CCSER2: variants seen among roughly 807,000 people sequenced by gnomAD.
CCSER2 encodes coiled-coil serine rich protein 2, also known as serine-rich coiled-coil domain-containing protein 2.
CCSER2 carries 46 observed loss-of-function variants against 92.3 expected under a neutral mutation model. That is an observed-to-expected ratio of 0.50 (90% CI 0.39 to 0.64). CCSER2 has a LOEUF of 0.64. Ranked by LOEUF, CCSER2 falls within the 30% of genes least tolerant of loss-of-function variation. The pLI is 0.00. For missense variants in CCSER2, 1,244 were observed against 1,238.9 expected (o/e 1.00, Z -0.06); for synonymous variants, 433 against 431.4 (o/e 1.00, Z -0.04).
chr10:84,511,210 A>G (rs1849331434), intron 9 of CCSER2, among the ~76,000 whole-genome samples: 1 of 152,146 alleles, frequency 6.6e-6, no homozygotes, highest in Admixed American at 6.6e-5. Context: ...ATTCATTAAT[A>G]TTTGATATGA....
chr10:84,431,180 T>C (rs761519718), intron 5 of CCSER2, among the ~76,000 whole-genome samples: 23 of 152,192 alleles, frequency 1.5e-4, no homozygotes, highest in Non-Finnish European at 1.3e-4. Context: ...CCTATGGGCC[T>C]TGACAAATGT....
intron 9 of CCSER2, among the ~76,000 whole-genome samples, chr10:84,488,140 G>A (rs1453119677): frequency 6.6e-6 from 1 of 152,174 alleles, no homozygotes; most frequent in African/African-American, 2.4e-5. Flanking sequence ...TATTTGGTTT[G>A]CCAGTGTTTT....
intron 9 of CCSER2, among the ~76,000 whole-genome samples, chr10:84,492,880 C>T (rs189606886): frequency 6.6e-6 from 1 of 152,136 alleles, no homozygotes; most frequent in East Asian, 1.9e-4. Context: ...AAGATTTTTA[C>T]ATCTGTATTC....
chr10:84,396,822 C>T (rs1217417235), intron 3 of CCSER2, among the ~76,000 whole-genome samples: 3 of 152,082 alleles, frequency 2.0e-5, no homozygotes, highest in African/African-American at 4.8e-5. Flanking sequence ...CAGGCGTGAG[C>T]CACCACACCT....
At chr10:84,454,269 A>C (rs1221957885) in intron 6 of CCSER2, among the ~76,000 whole-genome samples, 1 of 152,148 alleles carries the variant, frequency 6.6e-6, no homozygotes, top group Non-Finnish European at 1.5e-5. Flanking sequence ...CTGTGGGTCC[A>C]AATTTCTCCC....
At chr10:84,408,594 CCATT>C (rs2133350529) in intron 3 of CCSER2, among the ~76,000 whole-genome samples, 1 of 152,202 alleles carries the variant, frequency 6.6e-6, no homozygotes, top group Non-Finnish European at 1.5e-5. Context: ...TATTTTTTAA[CCATT>C]CATTATAAAA....
chr10:84,494,199 G>A (rs926060723), intron 9 of CCSER2, among the ~76,000 whole-genome samples: 1 of 152,218 alleles, frequency 6.6e-6, no homozygotes, highest in Non-Finnish European at 1.5e-5. Context: ...TGGCCCAGGG[G>A]TTGGAGACCC....
intron 3 of CCSER2, among the ~76,000 whole-genome samples, chr10:84,378,416 TATTTTTTA>T (rs1846454537): frequency 6.6e-6 from 1 of 150,440 alleles, no homozygotes; most frequent in Non-Finnish European, 1.5e-5. Flanking sequence ...ATTTTAAAAT[TATTTTTTA>T]AAATTAAATT....
chr10:84,482,605 T>C (rs1411389579), intron 9 of CCSER2, among the ~76,000 whole-genome samples: 1 of 152,360 alleles, frequency 6.6e-6, no homozygotes, highest in East Asian at 1.9e-4. Flanking sequence ...TAAAATCTTA[T>C]GATATGTACC....
At position 84,431,407 on chromosome 10, in the gene CCSER2, A is replaced by C. The variant is rs80292460; in HGVS notation, c.1868+5514A>C. Among the ~76,000 whole-genome samples the C allele has an allele frequency of 4.8e-4, 73 of 152,036 alleles. No homozygotes were observed. The East Asian group carries it at 0.014, about 29-fold the overall frequency. Reference sequence around the variant, plus strand: ...TGGCTTCTTTCACTTACCAAAATACATGTAAGGTTCCTCTATATATTTTTG... The same window carrying C: ...TGGCTTCTTTCACTTACCAAAATACCTGTAAGGTTCCTCTATATATTTTTG... On this transcript the variant is annotated intron_variant, in intron 5 of 9. Coordinates refer to ENST00000372088, the MANE Select transcript of CCSER2 (RefSeq NM_001284240.2).
intron 1 of CCSER2, among the ~76,000 whole-genome samples, chr10:84,331,515 G>A (rs961522112): frequency 3.3e-5 from 5 of 152,130 alleles, no homozygotes; most frequent in African/African-American, 1.2e-4. Context: ...AAGTTTTGAT[G>A]GTACAATGAG....
At chr10:84,428,985 G>GTATATATATATATATA (rs60243946) in intron 5 of CCSER2, among the ~76,000 whole-genome samples, 470 of 140,700 alleles carry the variant, frequency 3.3e-3, no homozygotes, top group Non-Finnish European at 3.9e-3. Context: ...GTGTGTATGT[G>GTATATATATATATATA]TATATATATA....
Position 84,514,070 on chromosome 10 carries a change from C to A in CCSER2, c.2947C>A (p.Pro983Thr), listed in dbSNP as rs566326574. Residue 983 changes from proline (P) to threonine (T), a missense_variant, in exon 10 of 10, where the codon CCC becomes ACC. Transcript: ENST00000372088. ...GAATCTGAAAGCATCTAAGCTCCGC[C>A]CCCCCTCAGGCTCTTTCAAACAAAA... is the stretch of plus-strand genomic sequence containing the variant. ...NQNLKASKLRPPSGSFKQKQT... is the reference protein window; with the variant it reads ...NQNLKASKLRTPSGSFKQKQT... 1 of 1,536,224 alleles carries A rather than the reference C, an allele frequency of 6.5e-7. No individual in the cohort carries two copies. Among genetic ancestry groups the A allele is most frequent in the Non-Finnish European group, 8.7e-7 (1 of 1,146,944 alleles).
intron 9 of CCSER2, among the ~76,000 whole-genome samples, chr10:84,482,345 CA>C (rs1847508202): frequency 6.6e-6 from 1 of 152,152 alleles, no homozygotes; most frequent in Non-Finnish European, 1.5e-5. Context: ...TAATCATTCA[CA>C]TGAAAATAGT....
At chr10:84,458,347 C>T (rs1386515789) in intron 6 of CCSER2, among the ~76,000 whole-genome samples, 1 of 152,110 alleles carries the variant, frequency 6.6e-6, no homozygotes, top group Non-Finnish European at 1.5e-5. Context: ...ATGCCTTTGA[C>T]CATAAATGTG....
At chr10:84,497,720 A>T (rs1022232633) in intron 9 of CCSER2, among the ~76,000 whole-genome samples, 1 of 152,224 alleles carries the variant, frequency 6.6e-6, no homozygotes, top group Non-Finnish European at 1.5e-5. Flanking sequence ...AACTCCTGCG[A>T]ACTTATAGGT....
At chr10:84,508,862 G>C (rs1166624198) in intron 9 of CCSER2, among the ~76,000 whole-genome samples, 1 of 152,146 alleles carries the variant, frequency 6.6e-6, no homozygotes, top group Non-Finnish European at 1.5e-5. Flanking sequence ...AATAATCATA[G>C]AAGAAATTTA....
intron 1 of CCSER2, among the ~76,000 whole-genome samples, chr10:84,354,536 GCCACCCC>G (rs1328561822): frequency 7.5e-6 from 1 of 133,472 alleles, no homozygotes; most frequent in Non-Finnish European, 1.6e-5. Flanking sequence ...CGTTCTCTGT[GCCACCCC>G]CCGCCCCCCG....
intron 3 of CCSER2, among the ~76,000 whole-genome samples, chr10:84,405,008 A>G (rs553574075): frequency 2.6e-5 from 4 of 152,198 alleles, no homozygotes; most frequent in African/African-American, 9.6e-5. Flanking sequence ...TCAGAATCCC[A>G]GCAGGAGTAC....
Sources: gnomAD v4.1 joint callset for allele counts (sites outside exome capture counted in the v4.1 genomes callset) on GRCh38, gnomAD v4.1.1 for gene constraint, MANE v1.5 for transcripts, NCBI Gene and HGNC (gene_info 2026-07-23, HGNC 2026-07-21) for gene names.